Variants in APOLD1 observed in about 807,000 individuals in gnomAD.
The protein encoded by APOLD1 is apolipoprotein L domain containing 1, also known as apolipoprotein L domain-containing protein 1.
APOLD1 carries 22 observed loss-of-function variants against 15.3 expected under a neutral mutation model. The ratio of observed to expected loss-of-function variants is 1.44; its 90% CI spans 1.03 to 2.05. The LOEUF (loss-of-function observed/expected upper bound fraction) is 2.05. APOLD1 is among the 30% of genes most tolerant of loss of function. APOLD1 has a pLI of 0.00. For missense variants in APOLD1, 394 were observed against 353.5 expected (o/e 1.11, Z -0.92); for synonymous variants, 190 against 167.4 (o/e 1.13, Z -1.04).
intron 1 of APOLD1, chr12:12,764,620 T>C (rs780093112): frequency 1.2e-5 from 5 of 426,854 alleles, no homozygotes; most frequent in Admixed American, 5.8e-5. Context: ...CTATTTCTAC[T>C]AGGTGTGGGC....
At chr12:12,764,797 GA>G in intron 1 of APOLD1, 1 of 394,174 alleles carries the variant, frequency 2.5e-6, no homozygotes, top group Non-Finnish European at 5.6e-6. Context: ...CCATGCCAGT[GA>G]AGAGTAAGGA....
chr12:12,744,258 A>T (rs1052501497), intron 1 of APOLD1, among the ~76,000 whole-genome samples: 1 of 145,122 alleles, frequency 6.9e-6, no homozygotes, highest in African/African-American at 2.6e-5. Flanking sequence ...GCAGTGAGCT[A>T]TGATGGCACC....
At chr12:12,736,421 G>C (rs1188283665) in intron 1 of APOLD1, among the ~76,000 whole-genome samples, 1 of 151,164 alleles carries the variant, frequency 6.6e-6, no homozygotes, top group East Asian at 1.9e-4. Flanking sequence ...CAGCTACTTG[G>C]GAGGCTGAGG....
rs112170702 is a variant in APOLD1, at chr12:12,744,649, T to C, written c.96+18553T>C. 4.3e-3 allele frequency among the ~76,000 whole-genome samples: 656 copies of C among 152,294 alleles called. 7 individuals carry two copies. Among genetic ancestry groups the C allele is most frequent in the African/African-American group, 0.015 (612 of 41,562 alleles). On this transcript the variant is annotated intron_variant, in intron 1 of 1. Coordinates refer to the APOLD1 transcript ENST00000326765. ...CAACTCTAGGCAGGTGATTTATTTG[T>C]CCACTTAAGAGATGGGAATTGGACA...
At chr12:12,785,730 A>C in intron 1 of APOLD1, 36 bp downstream of exon 1, 2 of 1,595,902 alleles carry the variant, frequency 1.3e-6, no homozygotes, top group Non-Finnish European at 1.7e-6. Context: ...ATTCGGGATG[A>C]CTTTTTCTCA....
At chr12:12,762,083 G>A (rs1017827946) in intron 1 of APOLD1, among the ~76,000 whole-genome samples, 7 of 152,012 alleles carry the variant, frequency 4.6e-5, no homozygotes, top group Admixed American at 4.6e-4. Context: ...TTAAGGAAGA[G>A]TTTACTTACA....
intron 1 of APOLD1, among the ~76,000 whole-genome samples, chr12:12,737,218 C>T (rs529013415): frequency 9.1e-5 from 2 of 21,866 alleles, no homozygotes; most frequent in East Asian, 3.8e-3. Context: ...ATAAACAACC[C>T]AGAGGTTTTT....
At chr12:12,747,142 C>G (rs1013623613) in intron 1 of APOLD1, among the ~76,000 whole-genome samples, 1 of 152,112 alleles carries the variant, frequency 6.6e-6, no homozygotes, top group African/African-American at 2.4e-5. Context: ...GAGACAGTCT[C>G]GCTTTGTCAC....
At chr12:12,741,046 C>G (rs1946726622) in intron 1 of APOLD1, among the ~76,000 whole-genome samples, 1 of 152,102 alleles carries the variant, frequency 6.6e-6, no homozygotes, top group Non-Finnish European at 1.5e-5. Flanking sequence ...CTCTCAAAGT[C>G]CTTGTACCTT....
chr12:12,760,639 C>CA (rs201360693), intron 1 of APOLD1, among the ~76,000 whole-genome samples: 1,118 of 65,306 alleles, frequency 0.017, 5 homozygotes, highest in Non-Finnish European at 0.023. Flanking sequence ...AACTCTGTCT[C>CA]AAAAAAAAAA....
rs147129040 is a variant in APOLD1, at chr12:12,746,191, G to A, written c.96+20095G>A. On this transcript the variant is annotated intron_variant, in intron 1 of 1. Transcript: ENST00000326765. ...ACGTATGTCTCTGTAGTTGAGAAAAGGTTTTACTTAAATCCTGTTCCAGGC... is the reference window on the plus strand; with the variant it reads ...ACGTATGTCTCTGTAGTTGAGAAAAAGTTTTACTTAAATCCTGTTCCAGGC... 1.5e-4 allele frequency among the ~76,000 whole-genome samples: 23 copies of A among 151,626 alleles called. No homozygotes were observed. The East Asian group carries it at 3.9e-3, about 25-fold the overall frequency.
rs1467302028 is a variant in APOLD1 at position 12,735,825 on chromosome 12, T to C, written c.96+9729T>C. Among the ~76,000 whole-genome samples the C allele has an allele frequency of 2.6e-5, 4 of 151,034 alleles. No individual in the cohort carries two copies. In the East Asian group the frequency reaches 7.7e-4, roughly 29 times the overall value. Reference sequence around the variant, plus strand: ...AGCCAGGCATGGTGGTGAGCACCTGTAGTCATACCTACTTGGGAAGCTGAA... The same window carrying C: ...AGCCAGGCATGGTGGTGAGCACCTGCAGTCATACCTACTTGGGAAGCTGAA... On this transcript the variant is annotated intron_variant, in intron 1 of 1. Transcript: ENST00000326765.
rs1291920181 is a variant in APOLD1 at position 12,790,598 on chromosome 12, A to T, written c.*2946A>T. On this transcript the variant is annotated 3_prime_UTR_variant, in exon 2 of 2. Coordinates refer to ENST00000356591, the MANE Select transcript of APOLD1 (RefSeq NM_030817.3). ...TCAAAAGTTCTAGACTTTTGAAGTTATGATTTCAGTGGCCCACTTTATTTC... is the reference window on the plus strand; with the variant it reads ...TCAAAAGTTCTAGACTTTTGAAGTTTTGATTTCAGTGGCCCACTTTATTTC... 5.3e-5 allele frequency: 8 copies of T among 152,322 alleles called. No homozygotes were observed. The South Asian group carries it at 1.7e-3, about 32-fold the overall frequency. 9.4% of individuals were successfully genotyped at this position (152,322 alleles called of 1,614,324 possible). A position where few individuals can be genotyped will look rare whatever the true frequency, so the allele number is the denominator to read the frequency against.
At chr12:12,769,786 G>A (rs993345723) in intron 1 of APOLD1, among the ~76,000 whole-genome samples, 1 of 152,120 alleles carries the variant, frequency 6.6e-6, no homozygotes, top group East Asian at 1.9e-4. Flanking sequence ...CTAAGGAGAG[G>A]GGGAGACTGA....
rs541332912 is a variant in APOLD1 at position 12,762,484 on chromosome 12, A to T, written c.97-24425A>T. ...ATTCTCCTGCCTCAGCCTCTCGAGG[A>T]GCTGGGATTATAGACGCGCACCACC... On this transcript the variant is annotated intron_variant, in intron 1 of 1. Transcript: ENST00000326765. 6.6e-5 allele frequency among the ~76,000 whole-genome samples: 10 copies of T among 151,836 alleles called. No individual in the cohort carries two copies. The South Asian group carries it at 2.1e-3, about 32-fold the overall frequency.
At chr12:12,756,967 A>G (rs1026095487) in intron 1 of APOLD1, among the ~76,000 whole-genome samples, 51 of 152,174 alleles carry the variant, frequency 3.4e-4, no homozygotes, top group African/African-American at 1.2e-3. Flanking sequence ...TTGTATTTTT[A>G]GTAGAGACAG....
intron 1 of APOLD1, among the ~76,000 whole-genome samples, chr12:12,749,782 A>G (rs765798410): frequency 2.2e-4 from 33 of 152,168 alleles, no homozygotes; most frequent in Admixed American, 1.1e-3. Context: ...CCGCTCCCAC[A>G]CTGTGGAGTG....
intron 1 of APOLD1, among the ~76,000 whole-genome samples, chr12:12,743,017 G>A (rs1330121256): frequency 1.3e-5 from 2 of 152,244 alleles, no homozygotes; most frequent in East Asian, 1.9e-4. Flanking sequence ...CTCCCAAAGT[G>A]TTGGGATTAC....
intron 1 of APOLD1, among the ~76,000 whole-genome samples, chr12:12,778,083 C>T (rs10744006): frequency 0.53 from 80,558 of 150,968 alleles, 21,809 homozygotes; most frequent in East Asian, 0.67. Flanking sequence ...CACAACCACA[C>T]CTGGCTATTT....
Sources: allele counts gnomAD v4.1 joint callset (sites outside exome capture counted in the v4.1 genomes callset), GRCh38; gene constraint gnomAD v4.1.1; transcripts MANE v1.5; gene names NCBI Gene and HGNC (gene_info 2026-07-23, HGNC 2026-07-21).